Variants in KANK1 observed in about 807,000 individuals in gnomAD.
The protein encoded by KANK1 is KN motif and ankyrin repeat domain-containing protein 1.
A neutral mutation model predicts 106.2 loss-of-function variants in KANK1; 109 were observed. That is an observed-to-expected ratio of 1.03 (90% CI 0.88 to 1.20). The LOEUF (loss-of-function observed/expected upper bound fraction) is 1.20, where lower values mean the gene tolerates loss of function less well. KANK1 is among the 50% of genes most tolerant of loss of function. The probability of loss-of-function intolerance (pLI) is 0.00; values close to 1 mark genes in which losing one functional copy is unlikely to be tolerated. For missense variants in KANK1, 2,399 were observed against 1,710.7 expected (o/e 1.40, Z -7.10); for synonymous variants, 873 against 652.2 (o/e 1.34, Z -5.16).
At chr9:667,742 G>C (rs60768084) in intron 1 of KANK1, among the ~76,000 whole-genome samples, 1 of 56,930 alleles carries the variant, frequency 1.8e-5, no homozygotes, top group Non-Finnish European at 3.5e-5. Context: ...AGGTTTTTTT[G>C]TTTTGTTTTT....
intron 1 of KANK1, among the ~76,000 whole-genome samples, chr9:606,733 A>G (rs895314317): frequency 6.6e-6 from 1 of 151,538 alleles, no homozygotes; most frequent in Non-Finnish European, 1.5e-5. Context: ...AAGCTTTTTA[A>G]AAAGTAGAAT....
At chr9:471,895 T>G (rs1376747961) in intron 2 of KANK1, among the ~76,000 whole-genome samples, 4 of 152,066 alleles carry the variant, frequency 2.6e-5, no homozygotes, top group African/African-American at 7.2e-5. Context: ...CACATGAGGA[T>G]ATGTGAGCCG....
At chr9:508,142 TTTTTTTTTTTTTTG>T (rs2058856823) in intron 1 of KANK1, among the ~76,000 whole-genome samples, 2 of 128,920 alleles carry the variant, frequency 1.6e-5, no homozygotes, top group Admixed American at 7.8e-5. Context: ...TTTTTTTTTT[TTTTTTTTTTTTTTG>T]AGATGGAGTT....
chr9:597,699 T>A (rs1032923922), intron 1 of KANK1, among the ~76,000 whole-genome samples: 3 of 151,700 alleles, frequency 2.0e-5, no homozygotes, highest in Non-Finnish European at 2.9e-5. Flanking sequence ...AGTCTTGCTC[T>A]GTTGCCCAGG....
In KANK1 at chr9:673,022, C is replaced by G. The variant is rs193233245; in HGVS notation, c.-83-3868C>G. ...ACACAGGAATGGACTGTGGCCAAAC[C>G]TTTTCTGGTTTATACAATGCACCGA... On this transcript the variant is annotated intron_variant, in intron 1 of 11. Transcript: ENST00000382297. Among the ~76,000 whole-genome samples the G allele has an allele frequency of 1.3e-5, 2 of 152,000 alleles. 1 individual carries two copies. Among genetic ancestry groups the G allele is most frequent in the African/African-American group, 4.8e-5 (2 of 41,380 alleles).
At chr9:740,399 C>A (rs1329950027) in intron 8 of KANK1, among the ~76,000 whole-genome samples, 1 of 152,190 alleles carries the variant, frequency 6.6e-6, no homozygotes, top group Non-Finnish European at 1.5e-5. Flanking sequence ...CGTTTGCAAA[C>A]ACTTCGTTCA....
chr9:489,140 G>T (rs929161195), intron 3 of KANK1: 1 of 152,204 alleles, frequency 6.6e-6, no homozygotes, highest in African/African-American at 2.4e-5. Context: ...AGTACTTGGT[G>T]TGGGGAAGCT....
rs1843248207 is a variant in KANK1 at position 661,280 on chromosome 9, C to G, written c.-83-15610C>G. On this transcript the variant is annotated intron_variant, in intron 1 of 11. Transcript: ENST00000382297. Reference sequence around the variant, plus strand: ...TTAATGCTATCCCTCCTCTCTTCCCCCTCCCCACAACAGGCCCCAGTGTGT... The same window carrying G: ...TTAATGCTATCCCTCCTCTCTTCCCGCTCCCCACAACAGGCCCCAGTGTGT... 2.0e-5 allele frequency among the ~76,000 whole-genome samples: 3 copies of G among 146,342 alleles called. No homozygotes were observed. In the Admixed American group the frequency reaches 2.1e-4, roughly 10 times the overall value.
chr9:745,373 T>A lies in KANK1; in HGVS notation c.*138T>A, dbSNP rs757733238. ...AAGCATCAAGCCCAGGGGTAAAGGC[T>A]GAAGCTTTCACAGTGCAGAGACTGC... On this transcript the variant is annotated 3_prime_UTR_variant, in exon 12 of 12. Coordinates refer to ENST00000382297, the MANE Select transcript of KANK1 (RefSeq NM_015158.5). 1 of 1,098,776 alleles carries A rather than the reference T, an allele frequency of 9.1e-7. No individual in the cohort carries two copies. The highest frequency in any genetic ancestry group is 1.5e-5 in the African/African-American group (1 of 64,596). 68.1% of individuals were successfully genotyped at this position (1,098,776 alleles called of 1,614,324 possible). A position where few individuals can be genotyped will look rare whatever the true frequency, so the allele number is the denominator to read the frequency against.
chr9:512,777 C>G (rs2059091288), intron 1 of KANK1, among the ~76,000 whole-genome samples: 1 of 152,138 alleles, frequency 6.6e-6, no homozygotes, highest in Non-Finnish European at 1.5e-5. Flanking sequence ...TGCTTGAGTT[C>G]ATAAATTTGA....
At chr9:507,502 G>A (rs1328350375) in intron 1 of KANK1, among the ~76,000 whole-genome samples, 2 of 150,904 alleles carry the variant, frequency 1.3e-5, no homozygotes, top group Non-Finnish European at 2.9e-5. Flanking sequence ...CGATTCTCCT[G>A]CCTCAGCCTC....
intron 1 of KANK1, among the ~76,000 whole-genome samples, chr9:650,222 G>A (rs989016521): frequency 6.6e-6 from 1 of 152,152 alleles, no homozygotes; most frequent in Admixed American, 6.5e-5. Context: ...ACCTTTCTCT[G>A]TTGGCAGCTG....
At chr9:651,311 G>T (rs9407331) in intron 1 of KANK1, among the ~76,000 whole-genome samples, 27,566 of 151,982 alleles carry the variant, frequency 0.18, 2,759 homozygotes, top group East Asian at 0.32. Context: ...AGAAAATCTA[G>T]TTTGTTTCAT....
At chr9:516,447 T>G (rs971497000) in intron 1 of KANK1, among the ~76,000 whole-genome samples, 9 of 151,696 alleles carry the variant, frequency 5.9e-5, no homozygotes, top group Non-Finnish European at 1.3e-4. Context: ...TTGTATATTA[T>G]TTTTCCTTTT....
At chr9:709,031 A>G (rs1825142357) in intron 2 of KANK1, among the ~76,000 whole-genome samples, 2 of 152,216 alleles carry the variant, frequency 1.3e-5, no homozygotes, top group Admixed American at 6.5e-5. Context: ...TGAGTGCCAC[A>G]TGATCCAGTG....
intron 3 of KANK1, among the ~76,000 whole-genome samples, chr9:729,450 T>C (rs1831620074): frequency 6.6e-6 from 1 of 152,134 alleles, no homozygotes; most frequent in African/African-American, 2.4e-5. Context: ...TTCCAGGTAG[T>C]AGAAGGGCAT....
chr9:660,726 G>C (rs1340420243), intron 1 of KANK1, among the ~76,000 whole-genome samples: 1 of 152,176 alleles, frequency 6.6e-6, no homozygotes, highest in African/African-American at 2.4e-5. Flanking sequence ...TAAGAGGAGA[G>C]GATGGGGTAA....
rs753016878 is a variant in KANK1, at chr9:712,976, G to A, written c.2210G>A (p.Gly737Asp). Residue 737 changes from glycine (G) to aspartate (D), a missense_variant, in exon 3 of 12, where the codon GGT becomes GAT. Gly to Asp is a moderately conservative substitution (Grantham distance 94, BLOSUM62 -1). Coordinates refer to ENST00000382297, the MANE Select transcript of KANK1 (RefSeq NM_015158.5). ...TCCTCCACCAAGACGCGGTCCATTGGTGTTGGAACGTTGCTTTCTGGCCAT... is the reference window on the plus strand; with the variant it reads ...TCCTCCACCAAGACGCGGTCCATTGATGTTGGAACGTTGCTTTCTGGCCAT... ...INSSTKTRSI[G>D]VGTLLSGHSG... is the part of the protein sequence containing the mutation. 6 of 1,614,180 alleles carry A rather than the reference G, an allele frequency of 3.7e-6. No homozygotes were observed. Among genetic ancestry groups the A allele is most frequent in the Non-Finnish European group, 5.1e-6 (6 of 1,180,042 alleles).
chr9:741,644 C>T (rs766392399), intron 9 of KANK1, among the ~76,000 whole-genome samples: 3 of 152,074 alleles, frequency 2.0e-5, no homozygotes, highest in African/African-American at 4.8e-5. Context: ...CCCACCCCCA[C>T]GTCCGGCTTA....
Sources: gnomAD v4.1 joint callset for allele counts (sites outside exome capture counted in the v4.1 genomes callset) on GRCh38, gnomAD v4.1.1 for gene constraint, MANE v1.5 for transcripts, NCBI Gene and HGNC (gene_info 2026-07-23, HGNC 2026-07-21) for gene names.